KLHL13: variants seen among roughly 807,000 people sequenced by gnomAD.
The protein encoded by KLHL13 is kelch like family member 13.
A neutral mutation model predicts 37.1 loss-of-function variants in KLHL13; 10 were observed. That is an observed-to-expected ratio of 0.27 (90% CI 0.17 to 0.46). The LOEUF is 0.46. KLHL13 is among the 20% of genes least tolerant of loss of function. The pLI is 1.00. For missense variants in KLHL13, 360 were observed against 509.3 expected (o/e 0.71, Z 2.82); for synonymous variants, 163 against 181.2 (o/e 0.90, Z 0.81).
rs150155372 is a variant in KLHL13, at chrX:118,046,792, G to A, written c.-56+69716C>T. On this transcript the variant is annotated intron_variant, in intron 1 of 6. Coordinates refer to the KLHL13 transcript ENST00000371882. ...AATTAGTAAGGAAAACAGAGAGAACGGTAGGAGGGAAACTATGAGAATTGT... is the reference window on the plus strand; with the variant it reads ...AATTAGTAAGGAAAACAGAGAGAACAGTAGGAGGGAAACTATGAGAATTGT... 8.9e-3 allele frequency among the ~76,000 whole-genome samples: 993 copies of A among 111,631 alleles called. 9 individuals are homozygous for A. Among genetic ancestry groups the A allele is most frequent in the African/African-American group, 0.03 (923 of 30,777 alleles).
At chrX:117,985,193 A>T (rs1243565790) in intron 1 of KLHL13, 3 of 933,605 alleles carry the variant, frequency 3.2e-6, no homozygotes, top group Non-Finnish European at 4.4e-6. Flanking sequence ...TTGCTATTTT[A>T]ATGAGTAAGT....
At chrX:117,901,197 G>A (rs370808957) in intron 6 of KLHL13, among the ~76,000 whole-genome samples, 1 of 111,465 alleles carries the variant, frequency 9.0e-6, no homozygotes, top group East Asian at 2.8e-4. Flanking sequence ...TTGGAAGCAC[G>A]TTTTATGCAT....
At chrX:117,991,846 ACTCTCTCTCTCTCTCTCTCTCT>A (rs56373597) in intron 1 of KLHL13, among the ~76,000 whole-genome samples, 15 of 63,510 alleles carry the variant, frequency 2.4e-4, no homozygotes, top group Admixed American at 1.6e-3. Context: ...CTACAGTGAA[ACTCTCTCTCTCTCTCTCTCTCT>A]CTCTCTCTCT....
chrX:118,057,406 A>T (rs937509898), intron 1 of KLHL13, among the ~76,000 whole-genome samples: 1 of 112,673 alleles, frequency 8.9e-6, no homozygotes, highest in African/African-American at 3.2e-5. Context: ...GATAAAAACA[A>T]ATTTTTATGA....
At chrX:118,082,415 A>C (rs954543596) in intron 1 of KLHL13, among the ~76,000 whole-genome samples, 4 of 111,505 alleles carry the variant, frequency 3.6e-5, no homozygotes, top group Non-Finnish European at 7.5e-5. Flanking sequence ...TTATTTTGAG[A>C]AACAGCTCTT....
chrX:117,983,440 A>G, intron 1 of KLHL13: 1 of 935,396 alleles, frequency 1.1e-6, no homozygotes. Flanking sequence ...GCACTGAAAA[A>G]AAAAAAAAGG....
At chrX:117,912,764 G>A (rs944187146) in intron 4 of KLHL13, among the ~76,000 whole-genome samples, 4 of 111,004 alleles carry the variant, frequency 3.6e-5, no homozygotes, top group Non-Finnish European at 7.6e-5. Flanking sequence ...TTTAATTTTT[G>A]TAGGCACATA....
At position 118,018,821 on chromosome X, in the gene KLHL13, A is replaced by T. The variant is rs2054159784; in HGVS notation, c.-55-73246T>A. Reference sequence around the variant, plus strand: ...CAGACAAAAGGTACTGTTTTTAAAAATTTTTATTTATATCCAACTATTTTT... The same window carrying T: ...CAGACAAAAGGTACTGTTTTTAAAATTTTTTATTTATATCCAACTATTTTT... On this transcript the variant is annotated intron_variant, in intron 1 of 6. Transcript: ENST00000371882. Among the ~76,000 whole-genome samples, 3 of 111,595 alleles carry T rather than the reference A, an allele frequency of 2.7e-5. No individual in the cohort carries two copies. In the South Asian group the frequency reaches 1.1e-3, roughly 41 times the overall value.
At chrX:117,969,751 T>C (rs1436949128) in intron 1 of KLHL13, among the ~76,000 whole-genome samples, 1 of 112,035 alleles carries the variant, frequency 8.9e-6, no homozygotes, top group Non-Finnish European at 1.9e-5. Flanking sequence ...GTATTTAAGA[T>C]ATCCCACTTT....
At chrX:117,903,173 G>GAGC (rs1491190040) in intron 5 of KLHL13, among the ~76,000 whole-genome samples, 1 of 96,706 alleles carries the variant, frequency 1.0e-5, no homozygotes, top group African/African-American at 4.4e-5. Flanking sequence ...GAGAGAGAGA[G>GAGC]GAGAGCGAGA....
At chrX:118,020,595 G>A (rs1179889452) in intron 1 of KLHL13, among the ~76,000 whole-genome samples, 1 of 110,647 alleles carries the variant, frequency 9.0e-6, no homozygotes, top group Non-Finnish European at 1.9e-5. Context: ...GATTCCTCAG[G>A]GATCTAGAAC....
At chrX:118,015,693 G>T (rs1024409828) in intron 1 of KLHL13, among the ~76,000 whole-genome samples, 11 of 111,374 alleles carry the variant, frequency 9.9e-5, no homozygotes, top group African/African-American at 3.6e-4. Flanking sequence ...TCCTTTGTAT[G>T]AAAACATGCA....
intron 1 of KLHL13, among the ~76,000 whole-genome samples, chrX:118,099,122 T>TA (rs747497337): frequency 0.14 from 15,407 of 110,174 alleles, 1,391 homozygotes; most frequent in African/African-American, 0.32. Context: ...TAATAAAATT[T>TA]AAAAAAATTA....
chrX:117,913,630 G>C (rs1349533536), intron 4 of KLHL13, among the ~76,000 whole-genome samples: 4 of 111,793 alleles, frequency 3.6e-5, no homozygotes, highest in Non-Finnish European at 7.5e-5. Flanking sequence ...TGGATCATGA[G>C]GTCAGGAGAT....
intron 1 of KLHL13, among the ~76,000 whole-genome samples, chrX:118,075,124 A>G (rs2054915654): frequency 1.8e-5 from 2 of 111,487 alleles, no homozygotes; most frequent in Admixed American, 1.9e-4. Flanking sequence ...GTTAGACAAC[A>G]TATATGGGTT....
chrX:118,100,133 T>C (rs2055271911), intron 1 of KLHL13, among the ~76,000 whole-genome samples: 1 of 108,654 alleles, frequency 9.2e-6, no homozygotes, highest in Admixed American at 9.7e-5. Flanking sequence ...CTGCTTATTG[T>C]TCTTCTTATT....
chrX:117,985,211 G>C (rs1313968099), intron 1 of KLHL13: 3 of 1,054,714 alleles, frequency 2.8e-6, no homozygotes, highest in African/African-American at 1.9e-5. Flanking sequence ...AGTAACAGCA[G>C]TAAATAAAGG....
chrX:117,950,965 G>T (rs1423333674), intron 1 of KLHL13, among the ~76,000 whole-genome samples: 1 of 111,933 alleles, frequency 8.9e-6, no homozygotes, highest in African/African-American at 3.2e-5. Context: ...TTCCACCCTT[G>T]AGAAATAAAT....
intron 1 of KLHL13, among the ~76,000 whole-genome samples, chrX:118,063,531 C>T (rs1461893586): frequency 9.0e-6 from 1 of 111,650 alleles, no homozygotes; most frequent in Non-Finnish European, 1.9e-5. Flanking sequence ...ACTTTCAGAA[C>T]AGAAATGCTG....
Sources: allele counts gnomAD v4.1 joint callset (sites outside exome capture counted in the v4.1 genomes callset), GRCh38; gene constraint gnomAD v4.1.1; transcripts MANE v1.5; gene names NCBI Gene and HGNC (gene_info 2026-07-23, HGNC 2026-07-21).